Variants in HPSE2 observed in about 807,000 individuals in gnomAD.
HPSE2 encodes the protein inactive heparanase-2.
HPSE2 carries 38 observed loss-of-function variants against 60.5 expected under a neutral mutation model. The ratio of observed to expected loss-of-function variants is 0.63; its 90% CI spans 0.48 to 0.82. The LOEUF (loss-of-function observed/expected upper bound fraction) is 0.82. Ranked by LOEUF, HPSE2 falls within the 40% of genes least tolerant of loss-of-function variation. The pLI, the probability that HPSE2 is intolerant of heterozygous loss-of-function variation, is 0.00. For missense variants in HPSE2, 713 were observed against 740.4 expected (o/e 0.96, Z 0.43); for synonymous variants, 295 against 293.2 (o/e 1.01, Z -0.06).
the HPSE2 span, among the ~76,000 whole-genome samples, chr10:99,254,063 G>A: frequency 6.6e-6 from 1 of 152,122 alleles, no homozygotes; most frequent in Non-Finnish European, 1.5e-5. Context: ...TCGTTACTGG[G>A]TATACATCCA....
At chr10:99,190,809 C>A (rs1383833307) in intron 2 of HPSE2, among the ~76,000 whole-genome samples, 1 of 152,202 alleles carries the variant, frequency 6.6e-6, no homozygotes, top group Non-Finnish European at 1.5e-5. Flanking sequence ...AACAGAGCAC[C>A]AGGCAGGCTC....
intron 3 of HPSE2, among the ~76,000 whole-genome samples, chr10:98,991,269 G>T (rs1315012090): frequency 2.0e-5 from 3 of 152,170 alleles, no homozygotes; most frequent in Non-Finnish European, 4.4e-5. Flanking sequence ...GCTGAGGTCA[G>T]AGTGGGGACT....
chr10:98,506,656 C>T (rs1322146785), intron 9 of HPSE2, among the ~76,000 whole-genome samples: 1 of 152,132 alleles, frequency 6.6e-6, no homozygotes. Context: ...CAGGGTCTTG[C>T]TATGTTGCCC....
At chr10:99,233,973 G>A (rs1365626489) in intron 1 of HPSE2, among the ~76,000 whole-genome samples, 1 of 152,198 alleles carries the variant, frequency 6.6e-6, no homozygotes, top group African/African-American at 2.4e-5. Flanking sequence ...AAAGCATTAG[G>A]CGAACAGGCA....
intron 4 of HPSE2, among the ~76,000 whole-genome samples, chr10:98,726,409 C>A (rs1949080547): frequency 6.7e-6 from 1 of 148,782 alleles, no homozygotes; most frequent in African/African-American, 2.5e-5. Context: ...GCCGCATGTT[C>A]TCACTCACAG....
chr10:98,740,180 CTTT>C (rs10593031), intron 4 of HPSE2, among the ~76,000 whole-genome samples: 16 of 130,198 alleles, frequency 1.2e-4, no homozygotes, highest in African/African-American at 1.6e-4. Context: ...TTTCTTTTGT[CTTT>C]TTTTTTTTTT....
At chr10:98,830,607 T>C (rs547384151) in intron 3 of HPSE2, among the ~76,000 whole-genome samples, 4 of 152,334 alleles carry the variant, frequency 2.6e-5, no homozygotes, top group South Asian at 2.1e-4. Context: ...AAAATGTGCC[T>C]GTGTAGACAT....
chr10:99,180,851 C>A (rs757854625), intron 2 of HPSE2, among the ~76,000 whole-genome samples: 21 of 125,012 alleles, frequency 1.7e-4, no homozygotes, highest in Admixed American at 2.1e-4. Context: ...GACTGAGCCA[C>A]TGCACTCCAG....
chr10:98,481,222 A>G (rs1941222288), intron 11 of HPSE2, among the ~76,000 whole-genome samples: 1 of 152,130 alleles, frequency 6.6e-6, no homozygotes, highest in Non-Finnish European at 1.5e-5. Flanking sequence ...GCAGCAGGAG[A>G]TTTAAATGCA....
At chr10:98,805,695 A>C (rs1004699258) in intron 3 of HPSE2, among the ~76,000 whole-genome samples, 6 of 152,154 alleles carry the variant, frequency 3.9e-5, no homozygotes, top group Non-Finnish European at 8.8e-5. Context: ...AATAAAATAG[A>C]CTAGATATTT....
At chr10:98,572,633 A>T (rs549302797) in intron 9 of HPSE2, among the ~76,000 whole-genome samples, 36 of 152,316 alleles carry the variant, frequency 2.4e-4, no homozygotes, top group Non-Finnish European at 4.1e-4. Flanking sequence ...ACCTTCCATG[A>T]CTAATGCAAT....
At chr10:98,978,431 T>C (rs1308308786) in intron 3 of HPSE2, among the ~76,000 whole-genome samples, 1 of 152,178 alleles carries the variant, frequency 6.6e-6, no homozygotes, top group Non-Finnish European at 1.5e-5. Flanking sequence ...CCTTCTGTTA[T>C]AATATTAATT....
chr10:98,973,060 G>C lies in HPSE2; in HGVS notation c.610+171178C>G, dbSNP rs113451025. On this transcript the variant is annotated intron_variant, in intron 3 of 11. Coordinates refer to ENST00000370552, the MANE Select transcript of HPSE2 (RefSeq NM_021828.5). ...TGTATATTCTTCTAGATTGCACTAA[G>C]CAACAAAATCACTGTTCTTACAAGA... 2.3e-3 allele frequency among the ~76,000 whole-genome samples: 345 copies of C among 152,138 alleles called. 2 individuals carry two copies. The highest frequency in any genetic ancestry group is 8.0e-3 in the African/African-American group (332 of 41,514).
chr10:98,694,948 G>T (rs1358499929), intron 5 of HPSE2, among the ~76,000 whole-genome samples: 2 of 152,182 alleles, frequency 1.3e-5, no homozygotes, highest in East Asian at 1.9e-4. Flanking sequence ...CTTAACTGAA[G>T]AATTCTTCCT....
intron 9 of HPSE2, among the ~76,000 whole-genome samples, chr10:98,521,810 AG>A (rs1448733447): frequency 6.6e-6 from 1 of 152,354 alleles, no homozygotes; most frequent in African/African-American, 2.4e-5. Context: ...GCCATAAAAA[AG>A]GATGAGTTCA....
At chr10:98,597,273 C>A (rs1945265390) in intron 9 of HPSE2, among the ~76,000 whole-genome samples, 1 of 152,144 alleles carries the variant, frequency 6.6e-6, no homozygotes, top group South Asian at 2.1e-4. Context: ...ATATTTATAT[C>A]TTTTCCCAGA....
At chr10:99,261,865 A>G in the HPSE2 span, among the ~76,000 whole-genome samples, 4 of 152,178 alleles carry the variant, frequency 2.6e-5, no homozygotes, top group East Asian at 7.7e-4. Context: ...ATCTTGCTTC[A>G]AGTGCCAAAA....
At chr10:99,151,890 T>C (rs765891128) in intron 2 of HPSE2, among the ~76,000 whole-genome samples, 11 of 152,130 alleles carry the variant, frequency 7.2e-5, no homozygotes, top group Admixed American at 5.9e-4. Flanking sequence ...CACTCCAACC[T>C]GGGCAACAGA....
chr10:98,813,152 C>T (rs575428743), intron 3 of HPSE2, among the ~76,000 whole-genome samples: 1 of 152,248 alleles, frequency 6.6e-6, no homozygotes, highest in African/African-American at 2.4e-5. Flanking sequence ...CTTTCTTCCT[C>T]CCAGGAAAAC....
Sources: gnomAD v4.1 joint callset for allele counts (sites outside exome capture counted in the v4.1 genomes callset) on GRCh38, gnomAD v4.1.1 for gene constraint, MANE v1.5 for transcripts, NCBI Gene and HGNC (gene_info 2026-07-23, HGNC 2026-07-21) for gene names.